GNAL: variants seen among roughly 807,000 people sequenced by gnomAD.
GNAL encodes the protein G protein subunit alpha L, also known as guanine nucleotide-binding protein G(olf) subunit alpha.
GNAL carries 18 observed loss-of-function variants against 55.1 expected under a neutral mutation model. The ratio of observed to expected loss-of-function variants is 0.33; its 90% CI spans 0.23 to 0.48. GNAL has a LOEUF of 0.48. Ranked by LOEUF, GNAL falls within the 20% of genes least tolerant of loss-of-function variation. The pLI is 0.99. For synonymous variants in GNAL, 253 were observed against 237.0 expected (o/e 1.07, Z -0.62); for missense variants, 412 against 614.1 (o/e 0.67, Z 3.48).
intron 1 of GNAL, among the ~76,000 whole-genome samples, chr18:11,717,026 G>A (rs865900112): frequency 6.6e-6 from 1 of 152,242 alleles, no homozygotes; most frequent in Non-Finnish European, 1.5e-5. Context: ...GCTCAGCTTT[G>A]CAGGAGCCCA....
chr18:11,813,787 A>T (rs577427174), intron 4 of GNAL, among the ~76,000 whole-genome samples: 1 of 152,106 alleles, frequency 6.6e-6, no homozygotes, highest in African/African-American at 2.4e-5. Flanking sequence ...CTGACATGGG[A>T]GGGTGGCTTG....
intron 4 of GNAL, among the ~76,000 whole-genome samples, chr18:11,814,117 T>C (rs1185000848): frequency 1.3e-5 from 2 of 152,256 alleles, no homozygotes; most frequent in East Asian, 1.9e-4. Flanking sequence ...AGAAATATTT[T>C]TTACTAAGTG....
At chr18:11,879,778 C>T (rs537221594) in intron 11 of GNAL, among the ~76,000 whole-genome samples, 113 of 152,314 alleles carry the variant, frequency 7.4e-4, no homozygotes, top group Middle Eastern at 3.4e-3. Context: ...AACCATGATT[C>T]GTAATGTCTA....
At chr18:11,805,270 T>C (rs960184454) in intron 4 of GNAL, among the ~76,000 whole-genome samples, 25 of 137,252 alleles carry the variant, frequency 1.8e-4, no homozygotes, top group Middle Eastern at 4.9e-3. Flanking sequence ...CATGGAGATA[T>C]TGTGTAGTGG....
Position 11,867,232 on chromosome 18 carries a change from T to G in GNAL, c.910+6T>G. The G allele has an allele frequency of 6.3e-7, 1 of 1,575,100 alleles. No individual in the cohort carries two copies. The highest frequency in any genetic ancestry group is 8.7e-7 in the Non-Finnish European group (1 of 1,144,684). ...ATGGATCCAGTGCTTTAACGGTGAT[T>G]TTTTTATGCTCTCTCAAGAAAATAG... On this transcript the variant is annotated splice_donor_region_variant and intron_variant, in intron 8 of 11. Coordinates refer to ENST00000334049, the MANE Select transcript of GNAL (RefSeq NM_182978.4).
chr18:11,732,623 G>A (rs555490391), intron 1 of GNAL, among the ~76,000 whole-genome samples: 6 of 152,104 alleles, frequency 3.9e-5, no homozygotes, highest in Non-Finnish European at 7.4e-5. Flanking sequence ...GTTTTGCCCC[G>A]ATTTTATCAT....
chr18:11,880,609 G>C (rs2036656696), intron 11 of GNAL, among the ~76,000 whole-genome samples: 1 of 152,122 alleles, frequency 6.6e-6, no homozygotes, highest in Admixed American at 6.6e-5. Flanking sequence ...AATAAAATTA[G>C]CTAATTAGAA....
At chr18:11,864,868 G>C (rs2036225412) in intron 7 of GNAL, among the ~76,000 whole-genome samples, 1 of 152,050 alleles carries the variant, frequency 6.6e-6, no homozygotes, top group Non-Finnish European at 1.5e-5. Flanking sequence ...TTTAGATCAG[G>C]AGACTCATGA....
chr18:11,774,497 T>C (rs1456540375), intron 4 of GNAL, among the ~76,000 whole-genome samples: 1 of 152,232 alleles, frequency 6.6e-6, no homozygotes, highest in Admixed American at 6.5e-5. Context: ...ATTGGCTTGA[T>C]ACCAATGAAA....
Position 11,883,407 on chromosome 18 carries a change from T to C in GNAL, c.*2272T>C, listed in dbSNP as rs2036767292. 6.5e-6 allele frequency: 1 copy of C among 153,184 alleles called. No homozygotes were observed. The highest frequency in any genetic ancestry group is 6.6e-5 in the Admixed American group (1 of 15,260). 9.5% of individuals were successfully genotyped at this position (153,184 alleles called of 1,614,324 possible). The stretch of plus-strand genomic sequence containing the variant: ...TCAACAATTACCCTCTAACTAAACA[T>C]CCTGTTTAAGAGTTTAATTCAAACA... On this transcript the variant is annotated 3_prime_UTR_variant, in exon 12 of 12. Coordinates refer to ENST00000334049, the MANE Select transcript of GNAL (RefSeq NM_182978.4).
chr18:11,771,590 A>G (rs1281115277), intron 4 of GNAL, among the ~76,000 whole-genome samples: 1 of 152,114 alleles, frequency 6.6e-6, no homozygotes, highest in Non-Finnish European at 1.5e-5. Flanking sequence ...TTTGGGAGAA[A>G]TAGTGGTGCT....
intron 1 of GNAL, among the ~76,000 whole-genome samples, chr18:11,736,573 C>CT (rs1410633471): frequency 3.3e-5 from 5 of 152,128 alleles, no homozygotes; most frequent in Admixed American, 6.5e-5. Flanking sequence ...CTTGGTGTGT[C>CT]TGAGAGATTG....
chr18:11,817,495 G>A lies in GNAL; in HGVS notation c.625-7423G>A, dbSNP rs543577322. Among the ~76,000 whole-genome samples the A allele has an allele frequency of 3.0e-4, 46 of 152,358 alleles. 1 individual carries two copies. The highest frequency in any genetic ancestry group is 2.9e-3 in the Admixed American group (44 of 15,308). On this transcript the variant is annotated intron_variant, in intron 4 of 11. Coordinates refer to ENST00000334049, the MANE Select transcript of GNAL (RefSeq NM_182978.4). Reference sequence around the variant, plus strand: ...GTTAACCTCATGCAGTTGCTTAGTTGTTGAACTTGTTGCCTGTGGCGATCA... The same window carrying A: ...GTTAACCTCATGCAGTTGCTTAGTTATTGAACTTGTTGCCTGTGGCGATCA...
intron 1 of GNAL, among the ~76,000 whole-genome samples, chr18:11,738,967 A>G (rs1305072197): frequency 5.3e-5 from 8 of 152,150 alleles, no homozygotes; most frequent in African/African-American, 1.9e-4. Flanking sequence ...CCGACGTCAT[A>G]ACATCTTACT....
chr18:11,752,193 T>A lies in GNAL; in HGVS notation c.377-660T>A, dbSNP rs936145710. 2 of 569,994 alleles carry A rather than the reference T, an allele frequency of 3.5e-6. No individual in the cohort carries two copies. Among genetic ancestry groups the A allele is most frequent in the Admixed American group, 4.5e-5 (1 of 22,316 alleles). The allele number at this position is 569,994 out of a possible 1,614,324, so 35.3% of individuals were successfully genotyped here. A position where few individuals can be genotyped will look rare whatever the true frequency, so the allele number is the denominator to read the frequency against. ...CATCCAGCAGATTTTGAAACAATTC[T>A]CGTGTAAAAAGGCATTTTACTCCGC... On this transcript the variant is annotated intron_variant, in intron 1 of 11. Transcript: ENST00000334049. This position sits in a 1 kb window ranked among gnomAD's most constrained non-coding sequence, Gnocchi z 4.5.
chr18:11,705,519 T>G (rs2031687188), intron 1 of GNAL, among the ~76,000 whole-genome samples: 1 of 152,188 alleles, frequency 6.6e-6, no homozygotes, highest in Admixed American at 6.5e-5. Context: ...TTTGATTTTT[T>G]AAAGGAATTT....
At chr18:11,808,182 A>G (rs1299570846) in intron 4 of GNAL, among the ~76,000 whole-genome samples, 1 of 151,492 alleles carries the variant, frequency 6.6e-6, no homozygotes, top group Non-Finnish European at 1.5e-5. Flanking sequence ...AGGAATCGCC[A>G]CTCTCCCCAG....
At chr18:11,818,089 C>T (rs1005621234) in intron 4 of GNAL, among the ~76,000 whole-genome samples, 10 of 151,306 alleles carry the variant, frequency 6.6e-5, no homozygotes, top group African/African-American at 2.4e-4. Context: ...AAAAATTAGC[C>T]GGGTGTGGTG....
rs1399647814 is a variant in GNAL at position 11,769,038 on chromosome 18, A to AAT, written c.624+15099_624+15100dup. 2.9e-4 allele frequency among the ~76,000 whole-genome samples: 26 copies of AAT among 89,494 alleles called. 2 individuals are homozygous for AAT. The South Asian group carries it at 5.6e-3, about 19-fold the overall frequency. The allele number at this position is 89,494 out of a possible 152,430, so 58.7% of individuals were successfully genotyped here. ...TTCTATATTATAATATATTATATAT[A>AAT]ATATATAATATATATAATATATATT... On this transcript the variant is annotated intron_variant, in intron 4 of 11. Transcript: ENST00000334049.
Sources: allele counts gnomAD v4.1 joint callset (sites outside exome capture counted in the v4.1 genomes callset), GRCh38; gene constraint gnomAD v4.1.1; non-coding constraint Gnocchi (gnomAD v3.1); transcripts MANE v1.5; gene names NCBI Gene and HGNC (gene_info 2026-07-23, HGNC 2026-07-21).